Variants in ALG9 observed in about 807,000 individuals in gnomAD.
The protein encoded by ALG9 is alpha-1,2-mannosyltransferase ALG9.
In ALG9, 55 loss-of-function variants were observed where a neutral mutation model predicts 81.8. The observed-to-expected ratio is 0.67, with a 90% CI of 0.54 to 0.84. The LOEUF is 0.84. Ranked by LOEUF, ALG9 falls within the 40% of genes least tolerant of loss-of-function variation. The pLI is 0.00. For missense variants in ALG9, 629 were observed against 745.0 expected, an observed-to-expected ratio of 0.84 and a Z score of 1.81; for synonymous variants, 278 against 274.3, an observed-to-expected ratio of 1.01 and a Z score of -0.13.
intron 13 of ALG9, among the ~76,000 whole-genome samples, chr11:111,815,356 T>C (rs1378350093): frequency 3.3e-5 from 5 of 152,186 alleles, no homozygotes; most frequent in Non-Finnish European, 5.9e-5. Context: ...AGTGAGCTGA[T>C]TGTGCCGCTG....
chr11:111,856,011 G>A (rs1958606677), intron 6 of ALG9, among the ~76,000 whole-genome samples: 1 of 152,098 alleles, frequency 6.6e-6, no homozygotes, highest in Admixed American at 6.6e-5. Context: ...GGACACGATG[G>A]CTCACACCTG....
In ALG9 at chr11:111,870,382, CAAAAAAAAAA is replaced by C. The variant is rs60312459; in HGVS notation, c.132-22_132-13del. The C allele has an allele frequency of 4.6e-4, 448 of 973,892 alleles. 1 individual carries two copies. The highest frequency in any genetic ancestry group is 5.4e-4 in the Non-Finnish European group (432 of 803,350). The allele number at this position is 973,892 out of a possible 1,614,324, so 60.3% of individuals were successfully genotyped here. A position where few individuals can be genotyped will look rare whatever the true frequency, so the allele number is the denominator to read the frequency against. On this transcript the variant is annotated splice_polypyrimidine_tract_variant and intron_variant, in intron 1 of 14. Transcript: ENST00000616540. ...TGTTCCCAGATAACCTGTTCAAAAGCAAAAAAAAAAAAAAAAAAAAAAGCATGTCAGGAAG... is the reference window on the plus strand; with the variant it reads ...TGTTCCCAGATAACCTGTTCAAAAGCAAAAAAAAAAAAGCATGTCAGGAAG...
chr11:111,770,431 T>C, the ALG9 span, among the ~76,000 whole-genome samples: 1 of 152,094 alleles, frequency 6.6e-6, no homozygotes, highest in Non-Finnish European at 1.5e-5. Context: ...AAATGACTTA[T>C]CAATAAGCAA....
chr11:111,785,065 T>C lies in ALG9; in HGVS notation c.*1332A>G, dbSNP rs539029702. The C allele has an allele frequency of 6.5e-6, 1 of 152,772 alleles. No homozygotes were observed. Among genetic ancestry groups the C allele is most frequent in the Non-Finnish European group, 1.5e-5 (1 of 68,030 alleles). 9.5% of individuals were successfully genotyped at this position (152,772 alleles called of 1,614,324 possible). On this transcript the variant is annotated 3_prime_UTR_variant, in exon 15 of 15. Coordinates refer to ENST00000616540, the MANE Select transcript of ALG9 (RefSeq NM_024740.2). ...GGTCTCTGGTTAACCTCATCAGTCC[T>C]TTCAAGTAATGTTTTCATGGTTGAG...
chr11:111,844,531 T>G (rs1956682568), intron 9 of ALG9, 70 bp downstream of exon 9: 2 of 1,603,184 alleles, frequency 1.2e-6, no homozygotes, highest in African/African-American at 1.3e-5. Context: ...AGGATTTTCC[T>G]TCAGTTCTTG....
chr11:111,834,792 A>G (rs1954956361), intron 13 of ALG9, among the ~76,000 whole-genome samples: 1 of 152,180 alleles, frequency 6.6e-6, no homozygotes, highest in African/African-American at 2.4e-5. Flanking sequence ...TGCACTCAGG[A>G]GACTCATATC....
intron 8 of ALG9, among the ~76,000 whole-genome samples, chr11:111,850,706 C>CAAAAAAAGAAAAAAAAAA (rs1957647303): frequency 1.5e-5 from 1 of 66,718 alleles, no homozygotes; most frequent in African/African-American, 9.2e-5. Flanking sequence ...GATACTGTCT[C>CAAAAAAAGAAAAAAAAAA]AAAAAAAAAA....
intron 5 of ALG9, among the ~76,000 whole-genome samples, chr11:111,858,805 G>A (rs1959124772): frequency 6.6e-6 from 1 of 152,050 alleles, no homozygotes; most frequent in South Asian, 2.1e-4. Context: ...CTCAGCAAAG[G>A]GTTCAGAGGC....
At chr11:111,823,708 A>T (rs1453331842) in intron 13 of ALG9, among the ~76,000 whole-genome samples, 39 of 152,210 alleles carry the variant, frequency 2.6e-4, no homozygotes. Flanking sequence ...AAAAGGTCAC[A>T]TGTCTTATCT....
Position 111,860,592 on chromosome 11 carries a change from G to A in ALG9, c.520C>T (p.Leu174=), listed in dbSNP as rs1050204842. 3 of 1,614,050 alleles carry A rather than the reference G, an allele frequency of 1.9e-6. No individual in the cohort carries two copies. Among genetic ancestry groups the A allele is most frequent in the Non-Finnish European group, 2.5e-6 (3 of 1,179,980 alleles). The change falls in exon 5 of 15, where the codon CTA becomes TTA. Residue 174 remains leucine (L), a synonymous_variant. Transcript: ENST00000616540. ...CCAGTGCTGAGAACCAAGAAGGCTA[G>A]CATCATTCGACTCACGTGCAACCCA... ...KFGLHVSRMM[L]AFLVLSTGMF...
At chr11:111,865,120 A>C in intron 4 of ALG9, 61 bp downstream of exon 4, 1 of 1,317,786 alleles carries the variant, frequency 7.6e-7, no homozygotes, top group Non-Finnish European at 1.0e-6. Context: ...ATCACAACAG[A>C]TAATCTATGC....
intron 8 of ALG9, among the ~76,000 whole-genome samples, chr11:111,851,875 G>T (rs1305463835): frequency 1.3e-5 from 2 of 152,164 alleles, no homozygotes; most frequent in African/African-American, 4.8e-5. Flanking sequence ...CACCCCTGGG[G>T]ATCTTAGAGC....
At chr11:111,867,858 C>T (rs1555154822) in intron 3 of ALG9, among the ~76,000 whole-genome samples, 1 of 152,122 alleles carries the variant, frequency 6.6e-6, no homozygotes, top group African/African-American at 2.4e-5. Flanking sequence ...CCCACTAACC[C>T]AGCAGGGAAA....
At chr11:111,845,102 A>T (rs1555127969) in intron 8 of ALG9, 1 of 234,652 alleles carries the variant, frequency 4.3e-6, no homozygotes, top group African/African-American at 2.3e-5. Context: ...CAATTTAACT[A>T]TTCTCTCAAG....
At chr11:111,813,465 G>A (rs559409920) in intron 13 of ALG9, among the ~76,000 whole-genome samples, 1 of 152,262 alleles carries the variant, frequency 6.6e-6, no homozygotes, top group South Asian at 2.1e-4. Flanking sequence ...AGCTGGGCAT[G>A]GTGGTGCACA....
intron 13 of ALG9, among the ~76,000 whole-genome samples, chr11:111,830,560 A>G (rs138930021): frequency 0.012 from 1,885 of 152,344 alleles, 49 homozygotes; most frequent in African/African-American, 0.043. Context: ...TATTTTGAAC[A>G]TTCTCCAATT....
chr11:111,840,652 C>T lies in ALG9; in HGVS notation c.1173+3G>A, dbSNP rs1555122768. ...GGCAGATACACTTCTCCCTGAAACT[C>T]ACCTGAAGTGCAGAGAGAGCCACAG... On this transcript the variant is annotated splice_donor_region_variant and intron_variant, in intron 10 of 14. Coordinates refer to ENST00000616540, the MANE Select transcript of ALG9 (RefSeq NM_024740.2). The T allele has an allele frequency of 6.2e-7, 1 of 1,613,906 alleles. No individual in the cohort carries two copies. Among genetic ancestry groups the T allele is most frequent in the South Asian group, 1.1e-5 (1 of 91,034 alleles).
chr11:111,768,696 G>A, the ALG9 span: 1,037 of 149,804 alleles, frequency 6.9e-3, 17 homozygotes, highest in African/African-American at 0.024. Flanking sequence ...GGGTCTTGCT[G>A]CGTTTCCCAG....
At chr11:111,778,757 G>A (rs1304201889), downstream of ALG9, among the ~76,000 whole-genome samples, 1 of 150,472 alleles carries the variant, frequency 6.6e-6, no homozygotes, top group Non-Finnish European at 1.5e-5. Context: ...GCCCACCCTC[G>A]ACCACAAACT....
Sources: gnomAD v4.1 joint callset for allele counts (sites outside exome capture counted in the v4.1 genomes callset) on GRCh38, gnomAD v4.1.1 for gene constraint, MANE v1.5 for transcripts, NCBI Gene and HGNC (gene_info 2026-07-23, HGNC 2026-07-21) for gene names.